The following ZFAT variants were observed in gnomAD, a reference collection of about 807,000 sequenced individuals.
The protein encoded by ZFAT is zinc finger and AT-hook domain containing.
A neutral mutation model predicts 117.7 loss-of-function variants in ZFAT; 64 were observed. That is an observed-to-expected ratio of 0.54 (90% CI 0.44 to 0.67). The LOEUF (loss-of-function observed/expected upper bound fraction) is 0.67. Ranked by LOEUF, ZFAT falls within the 30% of genes least tolerant of loss-of-function variation. ZFAT has a pLI of 0.00. For missense variants in ZFAT, 1,433 were observed against 1,584.5 expected, an observed-to-expected ratio of 0.90 and a Z score of 1.62; for synonymous variants, 679 against 615.0, an observed-to-expected ratio of 1.10 and a Z score of -1.54.
At position 134,637,526 on chromosome 8, in the gene ZFAT, G is replaced by T. The variant is rs143917098; in HGVS notation, c.383C>A (p.Thr128Lys). Reference protein sequence around the residue: ...CSKCCRKFSNTRQLRKHICII... With the variant: ...CSKCCRKFSNKRQLRKHICII... ...GCAGATGTGCTTCCGCAGCTGGCGC[G>T]TGTTGGAGAACTTCCGACAGCACTT... The change falls in exon 3 of 16, where the codon ACG (threonine) becomes AAG (lysine). Residue 128 changes from threonine (T) to lysine (K), a missense_variant. Thr to Lys is a moderately conservative substitution (Grantham distance 78). Transcript: ENST00000377838. 2.2e-5 allele frequency: 35 copies of T among 1,614,080 alleles called. No homozygotes were observed. Among genetic ancestry groups the T allele is most frequent in the Non-Finnish European group, 3.0e-5 (35 of 1,180,024 alleles).
upstream of ZFAT, among the ~76,000 whole-genome samples, chr8:134,716,093 C>T (rs1461802120): frequency 2.0e-5 from 3 of 151,756 alleles, no homozygotes; most frequent in East Asian, 5.8e-4. Context: ...TGCCACTGCA[C>T]TCCTCCAACC....
chr8:134,681,076 C>G (rs971949813), intron 1 of ZFAT, among the ~76,000 whole-genome samples: 8 of 152,244 alleles, frequency 5.3e-5, no homozygotes, highest in African/African-American at 1.9e-4. Flanking sequence ...TCAGTCCCAA[C>G]TACCCTGGAA....
the ZFAT span, among the ~76,000 whole-genome samples, chr8:134,779,432 C>T: frequency 6.6e-6 from 1 of 151,650 alleles, no homozygotes; most frequent in African/African-American, 2.4e-5. Context: ...TTTCGCAGCT[C>T]ATGTACCCTC....
intron 1 of ZFAT, among the ~76,000 whole-genome samples, chr8:134,708,855 G>A (rs2131369150): frequency 6.6e-6 from 1 of 152,316 alleles, no homozygotes; most frequent in Non-Finnish European, 1.5e-5. Flanking sequence ...GGGAGGCTGA[G>A]GCAGGAGAAT....
chr8:134,789,208 T>C, the ZFAT span, among the ~76,000 whole-genome samples: 1 of 152,210 alleles, frequency 6.6e-6, no homozygotes, highest in Non-Finnish European at 1.5e-5. Flanking sequence ...CACCCTTGTC[T>C]TCATAGTCTA....
intron 12 of ZFAT, among the ~76,000 whole-genome samples, chr8:134,527,112 C>T (rs1273692609): frequency 6.6e-6 from 1 of 152,104 alleles, no homozygotes; most frequent in African/African-American, 2.4e-5. Flanking sequence ...GAGATGCAAT[C>T]TGAGAGAAGC....
At chr8:134,553,489 TGA>T (rs1823341107) in intron 11 of ZFAT, among the ~76,000 whole-genome samples, 1 of 151,954 alleles carries the variant, frequency 6.6e-6, no homozygotes, top group African/African-American at 2.4e-5. Context: ...GGCAACAGAG[TGA>T]GACTCTGTCT....
At chr8:134,528,694 CTG>C (rs1427298090) in intron 12 of ZFAT, among the ~76,000 whole-genome samples, 1 of 152,214 alleles carries the variant, frequency 6.6e-6, no homozygotes, top group African/African-American at 2.4e-5. Flanking sequence ...GACTCTAAAA[CTG>C]GGGGACACAG....
the ZFAT span, among the ~76,000 whole-genome samples, chr8:134,801,587 C>G: frequency 6.6e-6 from 1 of 152,128 alleles, no homozygotes; most frequent in African/African-American, 2.4e-5. Context: ...TATACCTCCC[C>G]GCCACCCCAC....
At chr8:134,570,137 T>C (rs1824786388) in intron 10 of ZFAT, among the ~76,000 whole-genome samples, 1 of 152,122 alleles carries the variant, frequency 6.6e-6, no homozygotes, top group South Asian at 2.1e-4. Flanking sequence ...CACCTGCTGT[T>C]CCCAGAGCCC....
chr8:134,667,741 G>A (rs1011703759), intron 1 of ZFAT, among the ~76,000 whole-genome samples: 4 of 152,078 alleles, frequency 2.6e-5, no homozygotes, highest in African/African-American at 9.7e-5. Context: ...TCATGTCACT[G>A]GGGCTCGTCG....
chr8:134,521,034 G>C, intron 12 of ZFAT, 33 bp from the exon 13 acceptor site: 1 of 1,512,476 alleles, frequency 6.6e-7, no homozygotes, highest in Non-Finnish European at 9.1e-7. Context: ...AAAAAAAAAT[G>C]TGTTCGTAAT....
At chr8:134,657,759 A>T in intron 1 of ZFAT, 22 bp from the exon 2 acceptor site, 2 of 1,606,374 alleles carry the variant, frequency 1.2e-6, no homozygotes, top group African/African-American at 2.7e-5. Flanking sequence ...AAAAAGGAAA[A>T]TATGTTATTT....
the ZFAT span, among the ~76,000 whole-genome samples, chr8:134,730,816 G>A: frequency 1.3e-5 from 2 of 152,162 alleles, no homozygotes; most frequent in East Asian, 3.8e-4. Context: ...CATGTCTTTT[G>A]AGCAACTTTA....
the ZFAT span, among the ~76,000 whole-genome samples, chr8:134,813,875 ATAT>A: frequency 6.6e-6 from 1 of 152,044 alleles, no homozygotes; most frequent in Admixed American, 6.6e-5. Context: ...AAAAATATAT[ATAT>A]TATTACTCTT....
intron 10 of ZFAT, among the ~76,000 whole-genome samples, chr8:134,566,730 A>G (rs1257556904): frequency 6.6e-6 from 1 of 151,782 alleles, no homozygotes; most frequent in Non-Finnish European, 1.5e-5. Context: ...CCCTCTATTC[A>G]CTGCCAGCTC....
intron 12 of ZFAT, among the ~76,000 whole-genome samples, chr8:134,525,065 A>T (rs1820926885): frequency 1.3e-5 from 2 of 152,190 alleles, no homozygotes. Context: ...ACACATCCTT[A>T]ACCCCAGCCT....
chr8:134,546,383 G>A (rs984961801), intron 11 of ZFAT, among the ~76,000 whole-genome samples: 4 of 152,160 alleles, frequency 2.6e-5, no homozygotes, highest in African/African-American at 7.2e-5. Flanking sequence ...ACAGGAAGAT[G>A]AAGTTTTTTT....
chr8:134,706,056 C>T lies in ZFAT; in HGVS notation c.19+6789G>A, dbSNP rs182151585. Among the ~76,000 whole-genome samples, 13 of 152,218 alleles carry T rather than the reference C, an allele frequency of 8.5e-5. No homozygotes were observed. In the East Asian group the frequency reaches 2.5e-3, roughly 29 times the overall value. On this transcript the variant is annotated intron_variant, in intron 1 of 15. Coordinates refer to ENST00000377838, the MANE Select transcript of ZFAT (RefSeq NM_020863.4). Reference sequence around the variant, plus strand: ...GAGCAAGCAGAATTCTCTGACGTTGCTGATGGGAATGTAAAATGATACAAA... The same window carrying T: ...GAGCAAGCAGAATTCTCTGACGTTGTTGATGGGAATGTAAAATGATACAAA...
Sources: gnomAD v4.1 joint callset for allele counts (sites outside exome capture counted in the v4.1 genomes callset) on GRCh38, gnomAD v4.1.1 for gene constraint, MANE v1.5 for transcripts, NCBI Gene and HGNC (gene_info 2026-07-23, HGNC 2026-07-21) for gene names.